Variants in STEAP4 observed in about 807,000 individuals in gnomAD.
STEAP4 encodes STEAP4 metalloreductase.
In STEAP4, 36 loss-of-function variants were observed where a neutral mutation model predicts 43.6. That is an observed-to-expected ratio of 0.83 (90% CI 0.63 to 1.09). The LOEUF is 1.09. Ranked by LOEUF, STEAP4 falls within the 50% of genes least tolerant of loss-of-function variation. The pLI is 0.00. For synonymous variants in STEAP4, 191 were observed against 196.7 expected (o/e 0.97, Z 0.24); for missense variants, 495 against 546.5 (o/e 0.91, Z 0.94).
chr7:88,295,868 T>C (rs932961631), intron 1 of STEAP4, among the ~76,000 whole-genome samples: 2 of 152,064 alleles, frequency 1.3e-5, no homozygotes, highest in Non-Finnish European at 2.9e-5. Context: ...AAGAACAGGA[T>C]GTTAAGGTTG....
At position 88,282,776 on chromosome 7, in the gene STEAP4, A is replaced by G. The variant is rs370097582; in HGVS notation, c.849T>C (p.Leu283=). The change falls in exon 3 of 5, where the codon CTT becomes CTC. Residue 283 remains leucine, a synonymous_variant. Transcript: ENST00000380079. ...GCTTTCGGCAAAGCATCCAGTGGTC[A>G]AGCCAGTCTGGGAATCGACGGTATT... ...GTKYRRFPDW[L]DHWMLCRKQL... The G allele has an allele frequency of 6.2e-7, 1 of 1,614,192 alleles. No individual in the cohort carries two copies. Among genetic ancestry groups the G allele is most frequent in the Non-Finnish European group, 8.5e-7 (1 of 1,180,028 alleles).
intron 1 of STEAP4, among the ~76,000 whole-genome samples, chr7:88,287,228 T>C (rs1251931357): frequency 1.3e-5 from 2 of 152,158 alleles, no homozygotes; most frequent in South Asian, 4.1e-4. Context: ...TCCATGCACA[T>C]TGGGTCAGCA....
chr7:88,296,164 CT>C (rs1852920475), intron 1 of STEAP4, among the ~76,000 whole-genome samples: 1 of 152,168 alleles, frequency 6.6e-6, no homozygotes, highest in Non-Finnish European at 1.5e-5. Context: ...CTCGGTACCC[CT>C]AATAGCAACT....
chr7:88,304,226 C>G (rs1458501216), intron 1 of STEAP4: 1 of 152,080 alleles, frequency 6.6e-6, no homozygotes, highest in South Asian at 2.1e-4. Flanking sequence ...GGGAGATATA[C>G]CTAATGCTAG....
intron 1 of STEAP4, among the ~76,000 whole-genome samples, chr7:88,294,446 G>A (rs1476499354): frequency 1.3e-5 from 2 of 152,006 alleles, no homozygotes; most frequent in Admixed American, 6.6e-5. Context: ...CAAGCATTTC[G>A]GTTGTGGGAT....
At chr7:88,279,845 C>A (rs1049906577) in intron 4 of STEAP4, among the ~76,000 whole-genome samples, 10 of 152,190 alleles carry the variant, frequency 6.6e-5, no homozygotes, top group Non-Finnish European at 1.5e-4. Context: ...GACATAGTAG[C>A]TTCACCTTAA....
At chr7:88,297,162 A>G (rs1852937106) in intron 1 of STEAP4, among the ~76,000 whole-genome samples, 2 of 152,176 alleles carry the variant, frequency 1.3e-5, no homozygotes, top group South Asian at 4.1e-4. Flanking sequence ...ACCACATGCT[A>G]TTCTATAGGT....
chr7:88,281,157 G>A, intron 3 of STEAP4, 78 bp from the exon 4 acceptor site: 1 of 1,205,750 alleles, frequency 8.3e-7, no homozygotes, highest in Non-Finnish European at 1.1e-6. Flanking sequence ...TTTGACAGTG[G>A]GCACAAATTA....
rs1852539682 is a variant in STEAP4, at chr7:88,277,870, A to C, written c.*1528T>G. 1 of 152,192 alleles carries C rather than the reference A, an allele frequency of 6.6e-6. No individual in the cohort carries two copies. Among genetic ancestry groups the C allele is most frequent in the African/African-American group, 2.4e-5 (1 of 41,450 alleles). 9.4% of individuals were successfully genotyped at this position (152,192 alleles called of 1,614,324 possible). A position where few individuals can be genotyped will look rare whatever the true frequency, so the allele number is the denominator to read the frequency against. On this transcript the variant is annotated 3_prime_UTR_variant, in exon 5 of 5. Coordinates refer to ENST00000380079, the MANE Select transcript of STEAP4 (RefSeq NM_024636.4). ...GCAAGACTGTCTCAAAAAAATAAAA[A>C]AGAAAAAAATAATAAAAAGGAAAAC... is the stretch of plus-strand genomic sequence containing the variant.
rs1265345304 is a variant in STEAP4, at chr7:88,271,489, GGTTT to G, written c.*7905_*7908del. 1.3e-5 allele frequency: 2 copies of G among 152,122 alleles called. No individual in the cohort carries two copies. Among genetic ancestry groups the G allele is most frequent in the Non-Finnish European group, 2.9e-5 (2 of 68,010 alleles). The allele number at this position is 152,122 out of a possible 1,614,324, so 9.4% of individuals were successfully genotyped here. On this transcript the variant is annotated 3_prime_UTR_variant, in exon 5 of 5. Transcript: ENST00000380079. The stretch of plus-strand genomic sequence containing the variant: ...CCATATATGTGAAAGAAGGTGTCTT[GGTTT>G]GTTTTAAACAGCTGCATAGAATTTC...
chr7:88,274,604 G>T lies in STEAP4; in HGVS notation c.*4794C>A, dbSNP rs1376536477. 2.0e-5 allele frequency: 3 copies of T among 152,234 alleles called. No homozygotes were observed. Among genetic ancestry groups the T allele is most frequent in the African/African-American group, 7.2e-5 (3 of 41,438 alleles). 9.4% of individuals were successfully genotyped at this position (152,234 alleles called of 1,614,324 possible). On this transcript the variant is annotated 3_prime_UTR_variant, in exon 5 of 5. Coordinates refer to ENST00000380079, the MANE Select transcript of STEAP4 (RefSeq NM_024636.4). ...AGAATTTGAGGTGAATCCATAAAATGAAAGCAAGTTTATTAAGACTGTAAA... is the reference window on the plus strand; with the variant it reads ...AGAATTTGAGGTGAATCCATAAAATTAAAGCAAGTTTATTAAGACTGTAAA...
In STEAP4 at chr7:88,275,943, A is replaced by G. The variant is rs978848639; in HGVS notation, c.*3455T>C. 6.6e-6 allele frequency: 1 copy of G among 152,012 alleles called. No homozygotes were observed. The highest frequency in any genetic ancestry group is 2.4e-5 in the African/African-American group (1 of 41,372). The allele number at this position is 152,012 out of a possible 1,614,324, so 9.4% of individuals were successfully genotyped here. A position where few individuals can be genotyped will look rare whatever the true frequency, so the allele number is the denominator to read the frequency against. On this transcript the variant is annotated 3_prime_UTR_variant, in exon 5 of 5. Coordinates refer to ENST00000380079, the MANE Select transcript of STEAP4 (RefSeq NM_024636.4). ...GTCCTCTCTTTATTTGTAAGTTTTAATACTATTTTTGAAAGCAGGATAACA... is the reference window on the plus strand; with the variant it reads ...GTCCTCTCTTTATTTGTAAGTTTTAGTACTATTTTTGAAAGCAGGATAACA...
intron 1 of STEAP4, among the ~76,000 whole-genome samples, 158 bp downstream of exon 1, chr7:88,306,634 A>C (rs573495069): frequency 6.6e-6 from 1 of 152,270 alleles, no homozygotes; most frequent in African/African-American, 2.4e-5. Flanking sequence ...GAGCAGCCTC[A>C]GGTGACTTTC....
chr7:88,303,495 CAA>C (rs5885618), intron 1 of STEAP4, among the ~76,000 whole-genome samples: 77 of 114,324 alleles, frequency 6.7e-4, no homozygotes, highest in Non-Finnish European at 8.9e-4. Flanking sequence ...GACTCAGTCT[CAA>C]AAAAAAAAAA....
chr7:88,277,260 G>T lies in STEAP4; in HGVS notation c.*2138C>A, dbSNP rs1331982706. On this transcript the variant is annotated 3_prime_UTR_variant, in exon 5 of 5. Coordinates refer to ENST00000380079, the MANE Select transcript of STEAP4 (RefSeq NM_024636.4). ...TCTACTCAATGTCGTCCAACTTTTT[G>T]TATCCTTGCTTGGGTTTATCAAAGA... 2 of 152,200 alleles carry T rather than the reference G, an allele frequency of 1.3e-5. 1 individual carries two copies. The highest frequency in any genetic ancestry group is 4.2e-4 in the South Asian group (2 of 4,812). 9.4% of individuals were successfully genotyped at this position (152,200 alleles called of 1,614,324 possible). A position where few individuals can be genotyped will look rare whatever the true frequency, so the allele number is the denominator to read the frequency against.
At position 88,279,273 on chromosome 7, in the gene STEAP4, C is replaced by T. The variant is rs537435269; in HGVS notation, c.*125G>A. ...AGACAAGCAATGTTTCCCTCAGTCACGGTGTAAGAAAAAAACTTTCCTAAC... is the reference window on the plus strand; with the variant it reads ...AGACAAGCAATGTTTCCCTCAGTCATGGTGTAAGAAAAAAACTTTCCTAAC... On this transcript the variant is annotated 3_prime_UTR_variant, in exon 5 of 5. Transcript: ENST00000380079. 8 of 767,044 alleles carry T rather than the reference C, an allele frequency of 1.0e-5. No individual in the cohort carries two copies. The African/African-American group carries it at 1.0e-4, about 10-fold the overall frequency. The allele number at this position is 767,044 out of a possible 1,614,324, so 47.5% of individuals were successfully genotyped here.
In STEAP4 at chr7:88,279,585, G is replaced by A; in HGVS notation, c.1193C>T (p.Thr398Ile). 6.2e-7 allele frequency: 1 copy of A among 1,613,992 alleles called. No individual in the cohort carries two copies. The highest frequency in any genetic ancestry group is 1.1e-5 in the South Asian group (1 of 91,076). The part of the protein sequence containing the change: ...YLTLILCTAH[T>I]LVYGGKRFLS... ...GAATCTCTTCCCACCGTACACCAGG[G>A]TGTGGGCTGTACACAAGATCAGGGT... The change falls in exon 5 of 5, where the codon ACC becomes ATC. Residue 398 changes from threonine to isoleucine, a missense_variant. Thr to Ile is a moderately conservative substitution (Grantham distance 89). Transcript: ENST00000380079.
chr7:88,283,969 A>G lies in STEAP4; in HGVS notation c.301T>C (p.Leu101=). ...ELTEVLNGKI[L]VDISNNLKIN... The stretch of plus-strand genomic sequence containing the variant: ...TTGAGGTTGTTGCTGATGTCTACCA[A>G]TATTTTTCCATTGAGAACCTCAGTT... The change falls in exon 2 of 5, where the codon TTG becomes CTG. Residue 101 remains leucine, a synonymous_variant. Transcript: ENST00000380079. 3 of 1,614,010 alleles carry G rather than the reference A, an allele frequency of 1.9e-6. No homozygotes were observed. Among genetic ancestry groups the G allele is most frequent in the African/African-American group, 1.3e-5 (1 of 74,982 alleles).
intron 1 of STEAP4, chr7:88,290,445 G>A (rs144635775): frequency 7.9e-5 from 12 of 152,214 alleles, no homozygotes; most frequent in East Asian, 5.8e-4. Context: ...AAAAAACTCC[G>A]TATCTGAGGA....
Sources: allele counts gnomAD v4.1 joint callset (sites outside exome capture counted in the v4.1 genomes callset), GRCh38; gene constraint gnomAD v4.1.1; transcripts MANE v1.5; gene names NCBI Gene and HGNC (gene_info 2026-07-23, HGNC 2026-07-21).